Variants in CCDC78 observed in about 807,000 individuals in gnomAD.
CCDC78 encodes the protein coiled-coil domain containing 78, also known as coiled-coil domain-containing protein 78.
CCDC78 carries 78 observed loss-of-function variants against 61.9 expected under a neutral mutation model. That is an observed-to-expected ratio of 1.26 (90% CI 1.05 to 1.52). The LOEUF (loss-of-function observed/expected upper bound fraction) is 1.52. Ranked by LOEUF, CCDC78 falls within the 40% of genes most tolerant of loss-of-function variation. The pLI is 0.00. For synonymous variants in CCDC78, 287 were observed against 251.9 expected, an observed-to-expected ratio of 1.14 and a Z score of -1.32; for missense variants, 737 against 615.5, an observed-to-expected ratio of 1.20 and a Z score of -2.09.
Position 722,730 on chromosome 16 carries a change from A to G in CCDC78, c.1361T>C (p.Val454Ala), listed in dbSNP as rs906056013. ...KLAGAGDPWKVGAVPPAKPQH... is the reference protein window; with the variant it reads ...KLAGAGDPWKAGAVPPAKPQH... ...GGGCTTGGCTGGAGGCACAGCCCCC[A>G]CTTTCCAGGGGTCCCCTGCACCTGC... Residue 454 changes from valine to alanine, a missense_variant, in exon 14 of 14, where the codon GTG becomes GCG. By Grantham distance (64) the Val-to-Ala change is moderately conservative. Coordinates refer to ENST00000345165, the MANE Select transcript of CCDC78 (RefSeq NM_001378030.1). 6.2e-7 allele frequency: 1 copy of G among 1,611,122 alleles called. No individual in the cohort carries two copies. Among genetic ancestry groups the G allele is most frequent in the African/African-American group, 1.3e-5 (1 of 74,862 alleles).
Position 725,818 on chromosome 16 carries a change from A to G in CCDC78, c.243T>C (p.Ala81=), listed in dbSNP as rs1433109704. 1 of 1,610,114 alleles carries G rather than the reference A, an allele frequency of 6.2e-7. No homozygotes were observed. Among genetic ancestry groups the G allele is most frequent in the South Asian group, 1.1e-5 (1 of 90,320 alleles). The stretch of plus-strand genomic sequence containing the variant: ...CCTCACTCTTCAGCTGGAAGATTTC[A>G]GCCTCATGCTGCTCATGTAGGTGGT... ...TTHHLHEQHE[A]EIFQLKSEIL... is the part of the protein sequence containing the mutation. Residue 81 remains alanine (A), a synonymous_variant, in exon 3 of 14, where the codon GCT becomes GCC. Coordinates refer to ENST00000345165, the MANE Select transcript of CCDC78 (RefSeq NM_001378030.1).
At position 724,293 on chromosome 16, in the gene CCDC78, C is replaced by T. The variant is rs1010425376; in HGVS notation, c.953+29G>A. 4.4e-6 allele frequency: 7 copies of T among 1,602,256 alleles called. No homozygotes were observed. The African/African-American group carries it at 5.4e-5, about 12-fold the overall frequency. ...CAGAGGCTTAGAGACCCACAGATGC[C>T]TGACACCTCCCATCCCAGCGGGGCC... On this transcript the variant is annotated intron_variant, in intron 9 of 13. Transcript: ENST00000345165.
In CCDC78 at chr16:724,754, C is replaced by A. The variant is rs147504073; in HGVS notation, c.692G>T (p.Arg231Leu). 6.9e-5 allele frequency: 112 copies of A among 1,611,948 alleles called. No individual in the cohort carries two copies. The highest frequency in any genetic ancestry group is 8.8e-5 in the Non-Finnish European group (104 of 1,179,754). Residue 231 changes from arginine (R) to leucine (L), a missense_variant, in exon 8 of 14, where the codon CGG becomes CTG. Transcript: ENST00000345165. ...CAGTTTCTTGAGCTGCAGCTGCAGCCGGGCATTTTCAGCCTCTGCCTGACG... is the reference window on the plus strand; with the variant it reads ...CAGTTTCTTGAGCTGCAGCTGCAGCAGGGCATTTTCAGCCTCTGCCTGACG... ...QLRQAEAENA[R>L]LQLQLKKLKD...
In CCDC78 at chr16:723,960, G is replaced by A. The variant is rs762323383; in HGVS notation, c.1054-24C>T. 3.5e-5 allele frequency: 56 copies of A among 1,589,574 alleles called. 1 individual carries two copies. In the East Asian group the frequency reaches 9.9e-4, roughly 28 times the overall value. The stretch of plus-strand genomic sequence containing the variant: ...TGCTACAGAGGTTTGTGGTGGGGAC[G>A]TTTCAGTTGGCTGAACAAGGCAAGC... On this transcript the variant is annotated intron_variant, in intron 10 of 13. Transcript: ENST00000345165.
rs1335364356 is a variant in CCDC78 at position 725,555 on chromosome 16, A to C, written c.293T>G (p.Leu98Arg). The C allele has an allele frequency of 6.2e-7, 1 of 1,610,262 alleles. No individual in the cohort carries two copies. The highest frequency in any genetic ancestry group is 1.7e-5 in the Admixed American group (1 of 59,852). The change falls in exon 4 of 14, where the codon CTG becomes CGG. Residue 98 changes from leucine (L) to arginine (R), a missense_variant. By Grantham distance (102) the Leu-to-Arg change is moderately radical (BLOSUM62 -2). Coordinates refer to ENST00000345165, the MANE Select transcript of CCDC78 (RefSeq NM_001378030.1). The part of the protein sequence containing the change: ...SEILRLESRV[L>R]ELELRGDGTS... ...GCCATCTCCTCGCAGCTCCAGCTCC[A>C]GTACCCGGCTCTCCAGCCGAAGGAT...
In CCDC78 at chr16:726,096, A is replaced by G; in HGVS notation, c.61-11T>C. 1 of 1,549,012 alleles carries G rather than the reference A, an allele frequency of 6.5e-7. No homozygotes were observed. Among genetic ancestry groups the G allele is most frequent in the Non-Finnish European group, 8.7e-7 (1 of 1,146,636 alleles). ...GGCTCGTAGCACAACCTGGGGAGGTACCGCCACCCATTCCCCAGGTGGGTC... is the reference window on the plus strand; with the variant it reads ...GGCTCGTAGCACAACCTGGGGAGGTGCCGCCACCCATTCCCCAGGTGGGTC... On this transcript the variant is annotated splice_polypyrimidine_tract_variant and intron_variant, in intron 1 of 13. Transcript: ENST00000345165.
At chr16:723,760 C>T (rs745320430) in intron 11 of CCDC78, 97 bp downstream of exon 11, 19 of 1,108,646 alleles carry the variant, frequency 1.7e-5, no homozygotes, top group Admixed American at 8.0e-5. Flanking sequence ...CCCTGTCTGG[C>T]GGGGGCTTGG....
Position 724,923 on chromosome 16 carries a change from G to A in CCDC78, c.627C>T (p.Ala209=), listed in dbSNP as rs2040703568. 1 of 1,604,478 alleles carries A rather than the reference G, an allele frequency of 6.2e-7. No individual in the cohort carries two copies. The change falls in exon 7 of 14, where the codon GCC becomes GCT. Residue 209 remains alanine (A), a synonymous_variant. Transcript: ENST00000345165. ...GGCAGAGCCTCACCACAGCCTGTGT[G>A]GCCAGTCGCTGCCCGGCTGCCCTGG... ...EEARAAGQRL[A]TQAVVLCSCQ...
chr16:723,711 G>C, intron 11 of CCDC78, 146 bp downstream of exon 11: 2 of 750,836 alleles, frequency 2.7e-6, no homozygotes, highest in South Asian at 1.5e-5. Flanking sequence ...AGGGACCCCA[G>C]GGTGGGGATG....
chr16:723,900 T>C lies in CCDC78; in HGVS notation c.1090A>G (p.Lys364Glu). The C allele has an allele frequency of 2.5e-6, 4 of 1,601,176 alleles. No individual in the cohort carries two copies. Among genetic ancestry groups the C allele is most frequent in the Middle Eastern group, 1.7e-4 (1 of 6,036 alleles). ...CCCTGGGAGGCTCCACCGGGTCTCTTTTTTGGGGATGAGAGCAGTGCCCCA... is the reference window on the plus strand; with the variant it reads ...CCCTGGGAGGCTCCACCGGGTCTCTCTTTTGGGGATGAGAGCAGTGCCCCA... ...GPGALLSSPK[K>E]RPGGASQGGT... The change falls in exon 11 of 14, where the codon AAG becomes GAG. Residue 364 changes from lysine (K) to glutamate (E), a missense_variant. Coordinates refer to ENST00000345165, the MANE Select transcript of CCDC78 (RefSeq NM_001378030.1).
In CCDC78 at chr16:724,574, C is replaced by G. The variant is rs537432674; in HGVS notation, c.766-65G>C. 91 of 1,558,460 alleles carry G rather than the reference C, an allele frequency of 5.8e-5. No individual in the cohort carries two copies. The African/African-American group carries it at 1.1e-3, about 19-fold the overall frequency. On this transcript the variant is annotated intron_variant, in intron 8 of 13. Transcript: ENST00000345165. ...CATCTTTTCCAACCATCCCCCCACCCCAGCAGGCTGAGCAGTGCCGGGGCC... is the reference window on the plus strand; with the variant it reads ...CATCTTTTCCAACCATCCCCCCACCGCAGCAGGCTGAGCAGTGCCGGGGCC...
rs200747487 is a variant in CCDC78, at chr16:725,239, C to T, written c.490G>A (p.Gly164Ser). 473 of 1,608,164 alleles carry T rather than the reference C, an allele frequency of 2.9e-4. 8 individuals carry two copies. The East Asian group carries it at 8.3e-3, about 28-fold the overall frequency. Residue 164 changes from glycine (G) to serine (S), a missense_variant and splice_region_variant, in exon 5 of 14, where the codon GGC (glycine) becomes AGC (serine). Physicochemically the swap from Gly to Ser is moderately conservative, Grantham distance 56. Coordinates refer to ENST00000345165, the MANE Select transcript of CCDC78 (RefSeq NM_001378030.1). ...GAGCTAGGTGGCTGCACACTCACGCCGCTCCCCAGCCTGTGCTGCTCATTC... is the reference window on the plus strand; with the variant it reads ...GAGCTAGGTGGCTGCACACTCACGCTGCTCCCCAGCCTGTGCTGCTCATTC... ...PENEQHRLGS[G>S]LQGEVKWALE...
rs1299643468 is a variant in CCDC78, at chr16:725,156, C to T, written c.493-11G>A. 2 of 1,612,722 alleles carry T rather than the reference C, an allele frequency of 1.2e-6. No homozygotes were observed. The highest frequency in any genetic ancestry group is 1.7e-6 in the Non-Finnish European group (2 of 1,180,000). On this transcript the variant is annotated splice_polypyrimidine_tract_variant and intron_variant, in intron 5 of 13. Transcript: ENST00000345165. ...CACTTCCCCCTGCAGCTGTGGGGCA[C>T]ACAGGGCTGGCTGGATGAGACCCTA... is the stretch of plus-strand genomic sequence containing the variant.
Position 723,450 on chromosome 16 carries a change from C to T in CCDC78, c.1134-289G>A, listed in dbSNP as rs1361435911. 1.7e-5 allele frequency: 12 copies of T among 689,442 alleles called. 1 individual carries two copies. Among genetic ancestry groups the T allele is most frequent in the East Asian group, 1.1e-4 (4 of 36,248 alleles). 42.7% of individuals were successfully genotyped at this position (689,442 alleles called of 1,614,324 possible). A position where few individuals can be genotyped will look rare whatever the true frequency, so the allele number is the denominator to read the frequency against. ...CATCAACAGGGATGCCACCCCCACA[C>T]GGGTGTGCCCTAAACCCCAGGAAAT... On this transcript the variant is annotated intron_variant, in intron 11 of 13. Transcript: ENST00000345165.
At chr16:726,596 CA>C, upstream of CCDC78, 1 of 596,084 alleles carries the variant, frequency 1.7e-6, no homozygotes. Flanking sequence ...GAATGCGGCC[CA>C]GCGCCCCCTG....
intron 10 of CCDC78, 45 bp downstream of exon 10, chr16:724,061 T>C: frequency 6.2e-6 from 3 of 485,372 alleles, no homozygotes; most frequent in Non-Finnish European, 8.4e-6. Context: ...AGTGGGTGGG[T>C]GGGGGGCACC....
chr16:724,963 C>A lies in CCDC78; in HGVS notation c.587G>T (p.Gly196Val). 1 of 1,611,768 alleles carries A rather than the reference C, an allele frequency of 6.2e-7. No homozygotes were observed. Among genetic ancestry groups the A allele is most frequent in the Non-Finnish European group, 8.5e-7 (1 of 1,179,480 alleles). ...RVATLGRQLQ[G>V]AREEARAAGQ... ...GGCTGCCCTGGCCTCCTCTCGGGCT[C>A]CCTGCAGCTGCCGGCCCAGGGTTGC... The change falls in exon 7 of 14, where the codon GGA (glycine) becomes GTA (valine). Residue 196 changes from glycine to valine, a missense_variant. Coordinates refer to ENST00000345165, the MANE Select transcript of CCDC78 (RefSeq NM_001378030.1).
chr16:724,801 C>G lies in CCDC78; in HGVS notation c.645G>C (p.Leu215=). The change falls in exon 8 of 14, where the codon CTG becomes CTC. Residue 215 remains leucine, a synonymous_variant. Transcript: ENST00000345165. ...GACGGAGCTGGCCTTGGCAGCTGCA[C>G]AGCACCTGGGGTGGAAGCAGCCCTC... ...GQRLATQAVV[L]CSCQGQLRQA... 6.2e-7 allele frequency: 1 copy of G among 1,612,110 alleles called. No homozygotes were observed. The highest frequency in any genetic ancestry group is 8.5e-7 in the Non-Finnish European group (1 of 1,179,786).
intron 13 of CCDC78, 36 bp from the exon 14 acceptor site, chr16:722,825 G>A (rs1221876540): frequency 1.1e-5 from 17 of 1,610,058 alleles, no homozygotes; most frequent in Non-Finnish European, 1.4e-5. Flanking sequence ...GACTTGCCCA[G>A]CTGTGGACAG....
Sources: gnomAD v4.1 joint callset for allele counts on GRCh38, gnomAD v4.1.1 for gene constraint, MANE v1.5 for transcripts, NCBI Gene and HGNC (gene_info 2026-07-23, HGNC 2026-07-21) for gene names.